Variants in CDH12 observed in about 807,000 individuals in gnomAD.
CDH12 encodes cadherin-12.
A neutral mutation model predicts 74.1 loss-of-function variants in CDH12; 41 were observed. The ratio of observed to expected loss-of-function variants is 0.55; its 90% confidence interval spans 0.43 to 0.72. The LOEUF is 0.72. CDH12 is among the 30% of genes least tolerant of loss of function. The pLI is 0.00. For missense variants in CDH12, 945 were observed against 977.2 expected, an observed-to-expected ratio of 0.97 and a Z score of 0.44; for synonymous variants, 399 against 355.0, an observed-to-expected ratio of 1.12 and a Z score of -1.39.
At chr5:22,387,278 A>T (rs1190315947) in intron 3 of CDH12, among the ~76,000 whole-genome samples, 17 of 151,812 alleles carry the variant, frequency 1.1e-4, no homozygotes, top group African/African-American at 2.7e-4. Flanking sequence ...TTTAAAAAAA[A>T]TTTTTAAATT....
chr5:22,696,805 T>G (rs1742387968), intron 1 of CDH12, among the ~76,000 whole-genome samples: 1 of 152,162 alleles, frequency 6.6e-6, no homozygotes, highest in Non-Finnish European at 1.5e-5. Flanking sequence ...ATAGTTACAC[T>G]TACAGTGCTT....
At chr5:22,444,780 T>G (rs1744760442) in intron 2 of CDH12, among the ~76,000 whole-genome samples, 1 of 152,022 alleles carries the variant, frequency 6.6e-6, no homozygotes, top group Non-Finnish European at 1.5e-5. Flanking sequence ...TAACCATAAA[T>G]TAAATAAATT....
In CDH12 at chr5:22,404,044, T is replaced by C. The variant is rs1335776093; in HGVS notation, c.-333+1213A>G. Among the ~76,000 whole-genome samples, 4 of 152,266 alleles carry C rather than the reference T, an allele frequency of 2.6e-5. No homozygotes were observed. In the East Asian group the frequency reaches 7.7e-4, roughly 29 times the overall value. On this transcript the variant is annotated intron_variant, in intron 3 of 14. Coordinates refer to ENST00000382254, the MANE Select transcript of CDH12 (RefSeq NM_004061.5). ...TGCTAAAATTGAACAAAATTGAGGA[T>C]GAAGGAGCAATTGTAGTATTCTTCA...
At chr5:22,326,105 G>T (rs1181455919) in intron 3 of CDH12, among the ~76,000 whole-genome samples, 1 of 152,172 alleles carries the variant, frequency 6.6e-6, no homozygotes, top group Non-Finnish European at 1.5e-5. Flanking sequence ...ACTAAGTGCA[G>T]TTAAGAATAG....
chr5:22,382,380 ACTGT>A (rs1416835524), intron 3 of CDH12, among the ~76,000 whole-genome samples: 4 of 151,420 alleles, frequency 2.6e-5, no homozygotes, highest in Admixed American at 6.6e-5. Context: ...TTATAAGCCC[ACTGT>A]CACTTCCCTA....
intron 4 of CDH12, among the ~76,000 whole-genome samples, chr5:22,079,172 A>C (rs189695528): frequency 3.9e-5 from 6 of 152,318 alleles, no homozygotes; most frequent in Admixed American, 3.3e-4. Context: ...TGAGCTATTA[A>C]GTTAGAGTAG....
At chr5:22,647,371 T>C (rs1265082239) in intron 1 of CDH12, among the ~76,000 whole-genome samples, 2 of 151,834 alleles carry the variant, frequency 1.3e-5, no homozygotes, top group Non-Finnish European at 2.9e-5. Flanking sequence ...TTTTATTCTC[T>C]ATATATTATA....
In CDH12 at chr5:22,307,479, T is replaced by C. The variant is rs184963910; in HGVS notation, c.-332-94836A>G. Among the ~76,000 whole-genome samples, 612 of 152,276 alleles carry C rather than the reference T, an allele frequency of 4.0e-3. 9 individuals carry two copies. The highest frequency in any genetic ancestry group is 0.014 in the African/African-American group (581 of 41,548). ...TGTATGGGTGCTTTGAGCAAAGGGA[T>C]TTTCAACTATTTCTTCTTTGATGCA... is the stretch of plus-strand genomic sequence containing the variant. On this transcript the variant is annotated intron_variant, in intron 3 of 14. Transcript: ENST00000382254.
At position 21,872,264 on chromosome 5, in the gene CDH12, C is replaced by T. The variant is rs114407725; in HGVS notation, c.527-17474G>A. On this transcript the variant is annotated intron_variant, in intron 6 of 14. Coordinates refer to ENST00000382254, the MANE Select transcript of CDH12 (RefSeq NM_004061.5). ...CCAGAAGCACTCTAACGTTATAAAA[C>T]CTTCCTCTTAGATCTGTCCTAAATA... Among the ~76,000 whole-genome samples, 734 of 152,254 alleles carry T rather than the reference C, an allele frequency of 4.8e-3. 9 individuals are homozygous for T. The highest frequency in any genetic ancestry group is 0.017 in the African/African-American group (704 of 41,544).
intron 11 of CDH12, among the ~76,000 whole-genome samples, chr5:21,776,319 C>A (rs755781803): frequency 7.2e-5 from 11 of 152,110 alleles, no homozygotes; most frequent in Non-Finnish European, 1.0e-4. Context: ...AAAGATTCAC[C>A]ATAAATGGAT....
intron 6 of CDH12, among the ~76,000 whole-genome samples, chr5:21,973,304 G>A (rs151012432): frequency 0.013 from 2,013 of 152,186 alleles, 14 homozygotes; most frequent in African/African-American, 0.024. Flanking sequence ...ATTTCAGTAA[G>A]GGCACATGAG....
chr5:22,365,253 G>A (rs137877542), intron 3 of CDH12, among the ~76,000 whole-genome samples: 1 of 152,256 alleles, frequency 6.6e-6, no homozygotes, highest in African/African-American at 2.4e-5. Flanking sequence ...TATTAGTACA[G>A]CTCAAGTATA....
intron 2 of CDH12, among the ~76,000 whole-genome samples, chr5:22,499,361 C>T (rs1747240940): frequency 6.6e-6 from 1 of 152,078 alleles, no homozygotes; most frequent in Admixed American, 6.5e-5. Flanking sequence ...TACATTTCCC[C>T]ATATATTTAT....
intron 1 of CDH12, among the ~76,000 whole-genome samples, chr5:22,704,524 T>G (rs1742882146): frequency 1.3e-5 from 2 of 152,058 alleles, no homozygotes; most frequent in African/African-American, 4.8e-5. Context: ...AGCAAGAAAC[T>G]GGGAAATAGT....
At chr5:22,742,848 T>C (rs866596585) in intron 1 of CDH12, among the ~76,000 whole-genome samples, 5 of 151,988 alleles carry the variant, frequency 3.3e-5, no homozygotes, top group African/African-American at 1.2e-4. Context: ...TCAACTTGAC[T>C]GGGCCACAGG....
intron 1 of CDH12, among the ~76,000 whole-genome samples, chr5:22,813,396 GAA>G (rs1205018892): frequency 7.9e-5 from 12 of 152,072 alleles, no homozygotes; most frequent in African/African-American, 2.4e-4. Flanking sequence ...CCTGTGCTAT[GAA>G]AAGTTTTTCT....
intron 4 of CDH12, among the ~76,000 whole-genome samples, chr5:22,136,856 C>T (rs1319339876): frequency 1.3e-5 from 2 of 151,684 alleles, no homozygotes; most frequent in African/African-American, 4.8e-5. Context: ...AAGCCTATAT[C>T]ATTTAAGACC....
chr5:22,183,225 T>A (rs1749742513), intron 4 of CDH12, among the ~76,000 whole-genome samples: 1 of 150,258 alleles, frequency 6.7e-6, no homozygotes, highest in Non-Finnish European at 1.5e-5. Flanking sequence ...CCAAGCGAAG[T>A]GAGAGACATT....
chr5:21,895,177 A>G (rs1753066254), intron 6 of CDH12, among the ~76,000 whole-genome samples: 1 of 152,188 alleles, frequency 6.6e-6, no homozygotes, highest in Non-Finnish European at 1.5e-5. Flanking sequence ...AGAAATGAGT[A>G]AATGTGCAAG....
Sources: allele counts gnomAD v4.1 joint callset (sites outside exome capture counted in the v4.1 genomes callset), GRCh38; gene constraint gnomAD v4.1.1; transcripts MANE v1.5; gene names NCBI Gene and HGNC (gene_info 2026-07-23, HGNC 2026-07-21).